Variants in ITGAV observed in about 807,000 individuals in gnomAD.
The protein encoded by ITGAV is integrin subunit alpha V.
In ITGAV, 76 loss-of-function variants were observed where a neutral mutation model predicts 143.8. That is an observed-to-expected ratio of 0.53 (90% CI 0.44 to 0.64). The LOEUF is 0.64. ITGAV is among the 30% of genes least tolerant of loss of function. ITGAV has a pLI of 0.00. For missense variants in ITGAV, 1,193 were observed against 1,274.7 expected (o/e 0.94, Z 0.98); for synonymous variants, 453 against 446.7 (o/e 1.01, Z -0.18).
chr2:186,645,875 G>T (rs1449449734), intron 12 of ITGAV, among the ~76,000 whole-genome samples: 1 of 152,158 alleles, frequency 6.6e-6, no homozygotes, highest in Non-Finnish European at 1.5e-5. Flanking sequence ...GGGAGGCTAA[G>T]GCAGGAGAAT....
At chr2:186,672,742 T>G (rs1405621686) in intron 26 of ITGAV, among the ~76,000 whole-genome samples, 1 of 152,210 alleles carries the variant, frequency 6.6e-6, no homozygotes, top group East Asian at 1.9e-4. Flanking sequence ...TATTCAAATT[T>G]TTTGCCCATT....
intron 23 of ITGAV, 149 bp from the exon 24 acceptor site, chr2:186,667,522 A>C (rs1261220907): frequency 8.2e-5 from 43 of 524,762 alleles, no homozygotes; most frequent in Non-Finnish European, 3.4e-6. Flanking sequence ...GTTTTTGTGC[A>C]TGTGTGTGTT....
intron 13 of ITGAV, among the ~76,000 whole-genome samples, chr2:186,647,305 G>C (rs1259349127): frequency 1.3e-5 from 2 of 149,092 alleles, no homozygotes; most frequent in Non-Finnish European, 3.0e-5. Flanking sequence ...GCACAATCTT[G>C]GCTCATTGCA....
chr2:186,653,456 T>C (rs975762960), intron 15 of ITGAV, among the ~76,000 whole-genome samples: 1 of 152,162 alleles, frequency 6.6e-6, no homozygotes, highest in East Asian at 1.9e-4. Context: ...GAGAAAATGA[T>C]TGGTGCCTAA....
chr2:186,637,511 T>G (rs998511784), intron 8 of ITGAV, among the ~76,000 whole-genome samples: 3 of 140,890 alleles, frequency 2.1e-5, no homozygotes, highest in Middle Eastern at 3.9e-3. Context: ...GAAAAGAAAA[T>G]AAAATTTTAA....
At chr2:186,630,654 G>A (rs1458425525) in intron 4 of ITGAV, 143 bp from the exon 5 acceptor site, 1 of 574,830 alleles carries the variant, frequency 1.7e-6, no homozygotes, top group African/African-American at 1.8e-5. Context: ...TTGGAATGTG[G>A]TAATAACTAA....
At position 186,604,040 on chromosome 2, in the gene ITGAV, A is replaced by AT. The variant is rs1319927264; in HGVS notation, c.316+1900dup. Among the ~76,000 whole-genome samples, 279 of 145,620 alleles carry AT rather than the reference A, an allele frequency of 1.9e-3. 1 individual carries two copies. Among genetic ancestry groups the AT allele is most frequent in the Admixed American group, 5.6e-3 (82 of 14,538 alleles). On this transcript the variant is annotated intron_variant, in intron 2 of 29. Transcript: ENST00000261023. Reference sequence around the variant, plus strand: ...CCACCAGCCCGGCTAGTTTTTATGTATTTTTTTTTTTAAAGAGATGGGGTT... The same window carrying AT: ...CCACCAGCCCGGCTAGTTTTTATGTATTTTTTTTTTTTAAAGAGATGGGGTT...
chr2:186,638,136 C>T (rs112951216), intron 8 of ITGAV, 141 bp from the exon 9 acceptor site: 38 of 688,812 alleles, frequency 5.5e-5, no homozygotes, highest in African/African-American at 3.1e-4. Flanking sequence ...CTATTTATTA[C>T]GGAGTACCAA....
chr2:186,597,235 G>A (rs1290553110), intron 1 of ITGAV, among the ~76,000 whole-genome samples: 1 of 152,180 alleles, frequency 6.6e-6, no homozygotes, highest in Non-Finnish European at 1.5e-5. Context: ...TTTGTTGAAG[G>A]CCTTCTCCTA....
intron 20 of ITGAV, 103 bp from the exon 21 acceptor site, chr2:186,665,023 C>G: frequency 5.3e-6 from 4 of 753,726 alleles, no homozygotes; most frequent in Non-Finnish European, 8.6e-6. Flanking sequence ...CTGGTTTGCT[C>G]AACTAGATTT....
chr2:186,606,980 C>T (rs1229969792), intron 2 of ITGAV, among the ~76,000 whole-genome samples: 1 of 152,030 alleles, frequency 6.6e-6, no homozygotes, highest in East Asian at 1.9e-4. Context: ...ATGATCACAT[C>T]CTTTTATCCC....
chr2:186,640,837 G>C, intron 10 of ITGAV, 78 bp from the exon 11 acceptor site: 1 of 1,134,228 alleles, frequency 8.8e-7, no homozygotes, highest in Non-Finnish European at 1.3e-6. Flanking sequence ...AACCCTATTT[G>C]GTACATATAT....
chr2:186,603,377 A>G (rs1409018065), intron 2 of ITGAV, among the ~76,000 whole-genome samples: 3 of 152,206 alleles, frequency 2.0e-5, no homozygotes, highest in Non-Finnish European at 4.4e-5. Context: ...TCCATTTGAC[A>G]TTGTGATCAG....
intron 2 of ITGAV, among the ~76,000 whole-genome samples, chr2:186,602,728 T>C (rs185768092): frequency 2.8e-4 from 43 of 151,952 alleles, no homozygotes; most frequent in Admixed American, 2.4e-3. Flanking sequence ...AATACAAAAA[T>C]TTGCTGGGTG....
chr2:186,646,977 C>T, intron 13 of ITGAV, 100 bp downstream of exon 13: 1 of 811,304 alleles, frequency 1.2e-6, no homozygotes, highest in Non-Finnish European at 1.9e-6. Context: ...TATTGCAATT[C>T]AGTATTTCAT....
chr2:186,668,485 C>T (rs1264379517), intron 24 of ITGAV: 8 of 314,498 alleles, frequency 2.5e-5, no homozygotes, highest in South Asian at 5.6e-5. Context: ...GAGATCCGCC[C>T]GCCTCGGCCT....
At chr2:186,627,042 C>T (rs377131815) in intron 4 of ITGAV, among the ~76,000 whole-genome samples, 53 of 152,266 alleles carry the variant, frequency 3.5e-4, no homozygotes, top group East Asian at 1.4e-3. Flanking sequence ...TACACACACA[C>T]GCAGTACACT....
At chr2:186,646,392 A>G (rs1438245985) in intron 12 of ITGAV, among the ~76,000 whole-genome samples, 2 of 152,198 alleles carry the variant, frequency 1.3e-5, no homozygotes, top group Admixed American at 1.3e-4. Context: ...GGTCAGAGCC[A>G]GATTATCTGG....
At position 186,623,049 on chromosome 2, in the gene ITGAV, G is replaced by A. The variant is rs532211592; in HGVS notation, c.408+619G>A. ...CCTCTCTTTGAAAATACGACACGAT[G>A]TTGAAGTGGAATACAGAACAAAGAA... On this transcript the variant is annotated intron_variant, in intron 3 of 29. Transcript: ENST00000261023. 3.3e-5 allele frequency among the ~76,000 whole-genome samples: 5 copies of A among 151,992 alleles called. No individual in the cohort carries two copies. The East Asian group carries it at 9.6e-4, about 29-fold the overall frequency.
Sources: allele counts gnomAD v4.1 joint callset (sites outside exome capture counted in the v4.1 genomes callset), GRCh38; gene constraint gnomAD v4.1.1; transcripts MANE v1.5; gene names NCBI Gene and HGNC (gene_info 2026-07-23, HGNC 2026-07-21).